Variants in FCAR observed in about 807,000 individuals in gnomAD.
The protein encoded by FCAR is Fc alpha receptor.
In FCAR, 21 loss-of-function variants were observed where a neutral mutation model predicts 27.1. The observed-to-expected ratio is 0.77, with a 90% CI of 0.55 to 1.11. The LOEUF is 1.11. FCAR is among the 50% of genes most tolerant of loss of function. The pLI, the probability that FCAR is intolerant of heterozygous loss-of-function variation, is 0.00. For synonymous variants in FCAR, 134 were observed against 135.8 expected (o/e 0.99, Z 0.09); for missense variants, 404 against 358.4 (o/e 1.13, Z -1.03).
At position 54,889,964 on chromosome 19, in the gene FCAR, C is replaced by CA; in HGVS notation, c.*101_*102insA. On this transcript the variant is annotated 3_prime_UTR_variant, in exon 5 of 5. Coordinates refer to ENST00000355524, the MANE Select transcript of FCAR (RefSeq NM_002000.4). Reference sequence around the variant, plus strand: ...AAGCTCACTAAGAAGCTTGAATCTACTTTTTTTTTTTTTTGAGACAGAGTC... The same window carrying CA: ...AAGCTCACTAAGAAGCTTGAATCTACATTTTTTTTTTTTTTGAGACAGAGTC... The CA allele has an allele frequency of 1.4e-6, 1 of 699,896 alleles. No homozygotes were observed. The highest frequency in any genetic ancestry group is 2.3e-6 in the Non-Finnish European group (1 of 432,526). The allele number at this position is 699,896 out of a possible 1,614,324, so 43.4% of individuals were successfully genotyped here.
At chr19:54,889,397 C>T (rs963678546) in intron 4 of FCAR, among the ~76,000 whole-genome samples, 11 of 143,884 alleles carry the variant, frequency 7.6e-5, no homozygotes, top group Admixed American at 7.0e-4. Context: ...AAAAAACACA[C>T]ACAACCTGCC....
chr19:54,882,808 G>A (rs928398264), intron 2 of FCAR, among the ~76,000 whole-genome samples: 19 of 152,080 alleles, frequency 1.2e-4, no homozygotes, highest in African/African-American at 4.3e-4. Context: ...GAGTACAGTC[G>A]CTTGGCTTCA....
At chr19:54,878,220 T>G (rs1381870611) in intron 2 of FCAR, among the ~76,000 whole-genome samples, 1 of 152,142 alleles carries the variant, frequency 6.6e-6, no homozygotes, top group Non-Finnish European at 1.5e-5. Context: ...CCCAGCCTGC[T>G]AAGGATTGCT....
At chr19:54,881,722 A>C (rs951816617) in intron 2 of FCAR, among the ~76,000 whole-genome samples, 2 of 151,868 alleles carry the variant, frequency 1.3e-5, no homozygotes, top group African/African-American at 4.8e-5. Context: ...AACACAAAAA[A>C]TGAGCCGGGC....
chr19:54,884,128 C>T (rs1204696746), intron 2 of FCAR, among the ~76,000 whole-genome samples: 4 of 152,168 alleles, frequency 2.6e-5, no homozygotes, highest in Non-Finnish European at 5.9e-5. Flanking sequence ...GGGAAGCATG[C>T]AGCCACGACC....
At chr19:54,886,620 G>C (rs1180451254) in intron 3 of FCAR, among the ~76,000 whole-genome samples, 1 of 151,496 alleles carries the variant, frequency 6.6e-6, no homozygotes, top group Non-Finnish European at 1.5e-5. Flanking sequence ...AAAATGCTGG[G>C]ATTACAGGCA....
chr19:54,885,278 G>A lies in FCAR; in HGVS notation c.114G>A (p.Val38=). The A allele has an allele frequency of 6.2e-7, 1 of 1,613,940 alleles. No homozygotes were observed. The highest frequency in any genetic ancestry group is 8.5e-7 in the Non-Finnish European group (1 of 1,179,926). The change falls in exon 3 of 5, where the codon GTG becomes GTA. Residue 38 remains valine, a synonymous_variant. Coordinates refer to ENST00000355524, the MANE Select transcript of FCAR (RefSeq NM_002000.4). ...TCATATCTGCCAAATCGAGTCCTGT[G>A]ATTCCCTTGGATGGATCTGTGAAAA... ...MPFISAKSSP[V]IPLDGSVKIQ... is the part of the protein sequence containing the mutation.
chr19:54,875,170 CAA>C (rs75098947), intron 1 of FCAR, among the ~76,000 whole-genome samples, 158 bp from the exon 2 acceptor site: 20 of 115,066 alleles, frequency 1.7e-4, no homozygotes, highest in South Asian at 2.8e-4. Context: ...GACTCTGTCT[CAA>C]AAAAAAAAAA....
intron 3 of FCAR, 57 bp from the exon 4 acceptor site, chr19:54,887,950 G>A: frequency 1.5e-6 from 2 of 1,354,080 alleles, no homozygotes; most frequent in East Asian, 4.7e-5. Flanking sequence ...ATAATAAGAA[G>A]AAGAAAAGAA....
chr19:54,875,521 T>G (rs1192326256), intron 2 of FCAR, among the ~76,000 whole-genome samples, 156 bp downstream of exon 2: 3 of 152,204 alleles, frequency 2.0e-5, no homozygotes, highest in Non-Finnish European at 4.4e-5. Context: ...TCTCACTTTG[T>G]TATCTCCAAA....
intron 2 of FCAR, among the ~76,000 whole-genome samples, chr19:54,881,863 A>G (rs1282308737): frequency 6.6e-6 from 1 of 151,940 alleles, no homozygotes; most frequent in Non-Finnish European, 1.5e-5. Context: ...CGTGGGCGAC[A>G]GAGCGAGACT....
Position 54,885,958 on chromosome 19 carries a change from C to T in FCAR, c.361+433C>T, listed in dbSNP as rs587601400. Among the ~76,000 whole-genome samples the T allele has an allele frequency of 4.0e-5, 6 of 151,598 alleles. No individual in the cohort carries two copies. In the South Asian group the frequency reaches 1.3e-3, roughly 32 times the overall value. On this transcript the variant is annotated intron_variant, in intron 3 of 4. Coordinates refer to ENST00000355524, the MANE Select transcript of FCAR (RefSeq NM_002000.4). Reference sequence around the variant, plus strand: ...GAATTCCCCGTCTCTACTGAAAATGCAACAATCGCTGGGCGCGGTGGCTCA... The same window carrying T: ...GAATTCCCCGTCTCTACTGAAAATGTAACAATCGCTGGGCGCGGTGGCTCA...
rs912676081 is a variant in FCAR at position 54,876,747 on chromosome 19, G to A, written c.70+1382G>A. Reference sequence around the variant, plus strand: ...ATCCTGGCTAACACGGTGAAACCTCGTCTATACTAAAAAACACAAAAAAAT... The same window carrying A: ...ATCCTGGCTAACACGGTGAAACCTCATCTATACTAAAAAACACAAAAAAAT... On this transcript the variant is annotated intron_variant, in intron 2 of 4. Coordinates refer to ENST00000355524, the MANE Select transcript of FCAR (RefSeq NM_002000.4). 1.1e-4 allele frequency among the ~76,000 whole-genome samples: 16 copies of A among 152,178 alleles called. No individual in the cohort carries two copies. In the South Asian group the frequency reaches 2.7e-3, roughly 26 times the overall value.
chr19:54,875,467 C>G (rs1185735614), intron 2 of FCAR, 102 bp downstream of exon 2: 1 of 947,762 alleles, frequency 1.1e-6, no homozygotes, highest in Non-Finnish European at 1.7e-6. Flanking sequence ...TATTTTAATC[C>G]CCATTCTAGT....
rs587693896 is a variant in FCAR, at chr19:54,887,460, A to G, written c.362-547A>G. On this transcript the variant is annotated intron_variant, in intron 3 of 4. Transcript: ENST00000355524. ...ACATGGAGAAACCTCATCTTTACTA[A>G]AAATACAAAAATTAGCTGGGCGTGG... is the stretch of plus-strand genomic sequence containing the variant. Among the ~76,000 whole-genome samples the G allele has an allele frequency of 4.6e-5, 7 of 151,804 alleles. No homozygotes were observed. In the East Asian group the frequency reaches 1.4e-3, roughly 29 times the overall value.
Position 54,885,904 on chromosome 19 carries a change from G to A in FCAR, c.361+379G>A, listed in dbSNP as rs587632871. On this transcript the variant is annotated intron_variant, in intron 3 of 4. Transcript: ENST00000355524. ...AGGCGGGTGGATCACCCAAGGTCAG[G>A]AGTTCGAGACCAGCCTGGCCAACAT... is the stretch of plus-strand genomic sequence containing the variant. Among the ~76,000 whole-genome samples, 20 of 152,318 alleles carry A rather than the reference G, an allele frequency of 1.3e-4. 1 individual carries two copies. The South Asian group carries it at 3.9e-3, about 30-fold the overall frequency.
intron 4 of FCAR, among the ~76,000 whole-genome samples, 184 bp from the exon 5 acceptor site, chr19:54,889,465 G>A (rs1483417264): frequency 1.3e-5 from 2 of 151,516 alleles, no homozygotes; most frequent in Admixed American, 6.6e-5. Flanking sequence ...TTCCTTGCCC[G>A]TGAACACAGT....
intron 3 of FCAR, among the ~76,000 whole-genome samples, chr19:54,887,784 GTACGCA>G: frequency 6.6e-6 from 1 of 151,748 alleles, no homozygotes; most frequent in East Asian, 1.9e-4. Context: ...GGGCGTGGTG[GTACGCA>G]CCTGTAATCC....
rs1230285110 is a variant in FCAR, at chr19:54,889,729, A to G, written c.730A>G (p.Ile244Val). 3.7e-6 allele frequency: 6 copies of G among 1,614,102 alleles called. No homozygotes were observed. The South Asian group carries it at 5.5e-5, about 15-fold the overall frequency. The change falls in exon 5 of 5, where the codon ATA becomes GTA. Residue 244 changes from isoleucine (I) to valine (V), a missense_variant. Coordinates refer to ENST00000355524, the MANE Select transcript of FCAR (RefSeq NM_002000.4). ...AGLVLVALLAILVENWHSHTA... is the reference protein window; with the variant it reads ...AGLVLVALLAVLVENWHSHTA... ...ACTGGTCCTCGTGGCTCTCTTGGCC[A>G]TACTGGTTGAAAATTGGCACAGCCA...
Sources: gnomAD v4.1 joint callset for allele counts (sites outside exome capture counted in the v4.1 genomes callset) on GRCh38, gnomAD v4.1.1 for gene constraint, MANE v1.5 for transcripts, NCBI Gene and HGNC (gene_info 2026-07-23, HGNC 2026-07-21) for gene names.